The following IRGQ variants were observed in gnomAD, a reference collection of about 807,000 sequenced individuals.
IRGQ encodes the protein immunity-related GTPase family Q protein.
IRGQ carries 5 observed loss-of-function variants against 10.5 expected under a neutral mutation model. That is an observed-to-expected ratio of 0.48 (90% confidence interval 0.25 to 1.00). The LOEUF is 1.00. Ranked by LOEUF, IRGQ falls within the 50% of genes least tolerant of loss-of-function variation. The pLI, the probability that IRGQ is intolerant of heterozygous loss-of-function variation, is 0.16. For missense variants in IRGQ, 792 were observed against 877.7 expected (o/e 0.90, Z 1.23); for synonymous variants, 418 against 426.0 (o/e 0.98, Z 0.23).
At position 43,585,613 on chromosome 19, in the gene IRGQ, C is replaced by T. The variant is rs1003237571; in HGVS notation, c.*6413G>A. On this transcript the variant is annotated 3_prime_UTR_variant, in exon 3 of 3. Coordinates refer to ENST00000422989, the MANE Select transcript of IRGQ (RefSeq NM_001007561.3). ...TAGTGGCTGAAGCAAACCACATAGT[C>T]AAACCTAGAAGGAGAGCAACAATCC... The T allele has an allele frequency of 2.0e-5, 3 of 152,136 alleles. No individual in the cohort carries two copies. The highest frequency in any genetic ancestry group is 7.2e-5 in the African/African-American group (3 of 41,408). 9.4% of individuals were successfully genotyped at this position (152,136 alleles called of 1,614,324 possible).
chr19:43,594,819 C>T lies in IRGQ; in HGVS notation c.520G>A (p.Ala174Thr), dbSNP rs764072386. ...AAAGCCGGCACTCACCTCCGCAGCG[C>T]TTCTGCCTGGCTCTGCAGCGCCGCC... is the stretch of plus-strand genomic sequence containing the variant. The part of the protein sequence containing the change: ...LRAALQSQAE[A>T]LRRLLPPAQD... The change falls in exon 2 of 3, where the codon GCG (alanine) becomes ACG (threonine). Residue 174 changes from alanine to threonine, a missense_variant. By Grantham distance (58) the Ala-to-Thr change is moderately conservative. Transcript: ENST00000422989. The T allele has an allele frequency of 1.2e-6, 2 of 1,606,952 alleles. No individual in the cohort carries two copies. The highest frequency in any genetic ancestry group is 8.5e-7 in the Non-Finnish European group (1 of 1,176,386).
At position 43,595,300 on chromosome 19, in the gene IRGQ, C is replaced by T; in HGVS notation, c.39G>A (p.Leu13=). The T allele has an allele frequency of 6.3e-7, 1 of 1,585,936 alleles. No homozygotes were observed. The highest frequency in any genetic ancestry group is 8.6e-7 in the Non-Finnish European group (1 of 1,166,184). ...CGGACTTCCCCAAGCCCGGAGGCCC[C>T]AGGAACAAGGCGGTCACGTCACCCT... ...PPQGDVTALF[L]GPPGLGKSAL... is the part of the protein sequence containing the mutation. The change falls in exon 2 of 3, where the codon CTG becomes CTA. Residue 13 remains leucine (L), a synonymous_variant. Transcript: ENST00000422989.
In IRGQ at chr19:43,592,709, C is replaced by G; in HGVS notation, c.1189G>C (p.Val397Leu). The G allele has an allele frequency of 6.2e-7, 1 of 1,609,922 alleles. No homozygotes were observed. The highest frequency in any genetic ancestry group is 8.5e-7 in the Non-Finnish European group (1 of 1,179,992). Reference sequence around the variant, plus strand: ...CCACCTGATTTCTTCATGCCGACAACCTGCTGCAAACCCTCGCTGCCAGCT... The same window carrying G: ...CCACCTGATTTCTTCATGCCGACAAGCTGCTGCAAACCCTCGCTGCCAGCT... Reference protein sequence around the residue: ...GKAGSEGLQQVVGMKKSGGGD... With the variant: ...GKAGSEGLQQLVGMKKSGGGD... The change falls in exon 3 of 3, where the codon GTT (valine) becomes CTT (leucine). Residue 397 changes from valine (V) to leucine (L), a missense_variant. Val to Leu is a conservative substitution (Grantham distance 32). Coordinates refer to ENST00000422989, the MANE Select transcript of IRGQ (RefSeq NM_001007561.3).
Position 43,585,432 on chromosome 19 carries a change from G to GGGTTTCAC in IRGQ, c.*6586_*6593dup, listed in dbSNP as rs1390376582. ...TTTTTGTATTTTTAGTAGAGAGACG[G>GGGTTTCAC]GGTTTCACTGTGTTAGCCAGGATGG... is the stretch of plus-strand genomic sequence containing the variant. On this transcript the variant is annotated 3_prime_UTR_variant, in exon 3 of 3. Coordinates refer to ENST00000422989, the MANE Select transcript of IRGQ (RefSeq NM_001007561.3). 3.9e-5 allele frequency: 6 copies of GGGTTTCAC among 152,206 alleles called. No individual in the cohort carries two copies. Among genetic ancestry groups the GGGTTTCAC allele is most frequent in the African/African-American group, 1.4e-4 (6 of 41,384 alleles). 9.4% of individuals were successfully genotyped at this position (152,206 alleles called of 1,614,324 possible).
rs926582240 is a variant in IRGQ, at chr19:43,591,860, A to G, written c.*166T>C. On this transcript the variant is annotated 3_prime_UTR_variant, in exon 3 of 3. Transcript: ENST00000422989. ...ACTTCGTCTCACAAAAAAAAGAAAAAAAAAAAAAAAAATCAGGATTCCTGT... is the reference window on the plus strand; with the variant it reads ...ACTTCGTCTCACAAAAAAAAGAAAAGAAAAAAAAAAAATCAGGATTCCTGT... 71 of 691,906 alleles carry G rather than the reference A, an allele frequency of 1.0e-4. No individual in the cohort carries two copies. Among genetic ancestry groups the G allele is most frequent in the Admixed American group, 2.6e-4 (9 of 35,154 alleles). The allele number at this position is 691,906 out of a possible 1,614,324, so 42.9% of individuals were successfully genotyped here.
rs924906134 is a variant in IRGQ at position 43,593,823 on chromosome 19, G to A, written c.531-456C>T. ...CAAGGGCACTCTTTTCAGGGGCTGG[G>A]CCTAAGGAGGGTCAGTGAGGGGAGA... On this transcript the variant is annotated intron_variant, in intron 2 of 2. Coordinates refer to ENST00000422989, the MANE Select transcript of IRGQ (RefSeq NM_001007561.3). This position sits in a 1 kb window ranked among gnomAD's most constrained non-coding sequence, Gnocchi z 6.4. 4.6e-5 allele frequency among the ~76,000 whole-genome samples: 7 copies of A among 152,198 alleles called. No individual in the cohort carries two copies. Among genetic ancestry groups the A allele is most frequent in the Non-Finnish European group, 2.9e-5 (2 of 68,032 alleles).
Position 43,595,074 on chromosome 19 carries a change from C to T in IRGQ, c.265G>A (p.Gly89Arg). 6.2e-7 allele frequency: 1 copy of T among 1,612,334 alleles called. No individual in the cohort carries two copies. The highest frequency in any genetic ancestry group is 8.5e-7 in the Non-Finnish European group (1 of 1,179,362). ...CCCAGGGCTGGAGCCAACGGTTCCC[C>T]GTTCCCCTCGGGTCCGGGCAGCACC... ...VLVLPGPEGN[G>R]EPLAPALGEA... Residue 89 changes from glycine (G) to arginine (R), a missense_variant, in exon 2 of 3, where the codon GGG becomes AGG. Physicochemically the swap from Gly to Arg is moderately radical, Grantham distance 125. Coordinates refer to ENST00000422989, the MANE Select transcript of IRGQ (RefSeq NM_001007561.3).
intron 2 of IRGQ, among the ~76,000 whole-genome samples, chr19:43,594,015 A>G (rs767238255): frequency 3.3e-4 from 51 of 152,366 alleles, no homozygotes; most frequent in Non-Finnish European, 5.9e-4. Context: ...GAGCAAATCC[A>G]GGAGGTAGCC....
In IRGQ at chr19:43,595,339, G is replaced by A. The variant is rs1447583894; in HGVS notation, c.-1C>T. 1 of 1,542,670 alleles carries A rather than the reference G, an allele frequency of 6.5e-7. No individual in the cohort carries two copies. The highest frequency in any genetic ancestry group is 1.2e-5 in the South Asian group (1 of 82,736). ...TCACGTCACCCTGCGGCGGAGGCAT[G>A]GCTGGAAAGCAACGGGTAGAGAAGA... is the stretch of plus-strand genomic sequence containing the variant. On this transcript the variant is annotated splice_region_variant and 5_prime_UTR_variant, in exon 2 of 3. Coordinates refer to ENST00000422989, the MANE Select transcript of IRGQ (RefSeq NM_001007561.3).
At position 43,584,734 on chromosome 19, in the gene IRGQ, GCT is replaced by G. The variant is rs1972973989; in HGVS notation, c.*7290_*7291del. 2 of 152,266 alleles carry G rather than the reference GCT, an allele frequency of 1.3e-5. No individual in the cohort carries two copies. The highest frequency in any genetic ancestry group is 4.8e-5 in the African/African-American group (2 of 41,460). The allele number at this position is 152,266 out of a possible 1,614,324, so 9.4% of individuals were successfully genotyped here. Reference sequence around the variant, plus strand: ...GGTTCAGCTGCCTATCAGCTAGGGAGCTCTGTTTCAGAGGTTGGTTGGCTATG... The same window carrying G: ...GGTTCAGCTGCCTATCAGCTAGGGAGCTGTTTCAGAGGTTGGTTGGCTATG... On this transcript the variant is annotated 3_prime_UTR_variant, in exon 3 of 3. Transcript: ENST00000422989.
chr19:43,591,724 T>C lies in IRGQ; in HGVS notation c.*302A>G, dbSNP rs1411147345. ...TTAGCCAGGTGTGGTGGCAGGCACC[T>C]GTAATCCCAGCTACTCCGGACGCTG... On this transcript the variant is annotated 3_prime_UTR_variant, in exon 3 of 3. Coordinates refer to ENST00000422989, the MANE Select transcript of IRGQ (RefSeq NM_001007561.3). 2 of 261,780 alleles carry C rather than the reference T, an allele frequency of 7.6e-6. No homozygotes were observed. The highest frequency in any genetic ancestry group is 5.2e-5 in the Admixed American group (1 of 19,374). The allele number at this position is 261,780 out of a possible 1,614,324, so 16.2% of individuals were successfully genotyped here.
Position 43,593,494 on chromosome 19 carries a change from G to A in IRGQ, c.531-127C>T. The stretch of plus-strand genomic sequence containing the variant: ...TGGGGCAGGGGTAGGAAAGGGAAGG[G>A]CCAGACTGATGGCACAGCAAATAGA... On this transcript the variant is annotated intron_variant, in intron 2 of 2. Coordinates refer to ENST00000422989, the MANE Select transcript of IRGQ (RefSeq NM_001007561.3). This position sits in a 1 kb window ranked among gnomAD's most constrained non-coding sequence, Gnocchi z 6.4. 1 of 929,274 alleles carries A rather than the reference G, an allele frequency of 1.1e-6. No homozygotes were observed. The allele number at this position is 929,274 out of a possible 1,614,324, so 57.6% of individuals were successfully genotyped here.
chr19:43,594,495 A>T (rs1419578695), intron 2 of IRGQ, among the ~76,000 whole-genome samples: 1 of 151,858 alleles, frequency 6.6e-6, no homozygotes, highest in Non-Finnish European at 1.5e-5. Context: ...GTGAGCTAGG[A>T]TCGCGGCACT....
In IRGQ at chr19:43,589,620, G is replaced by A. The variant is rs1489620323; in HGVS notation, c.*2406C>T. 1 of 152,178 alleles carries A rather than the reference G, an allele frequency of 6.6e-6. No homozygotes were observed. The highest frequency in any genetic ancestry group is 1.5e-5 in the Non-Finnish European group (1 of 68,056). The allele number at this position is 152,178 out of a possible 1,614,324, so 9.4% of individuals were successfully genotyped here. ...AATAAATATTTACGAAGCACCTATT[G>A]TGTCAGGCACCTATTGTTCTAGATG... On this transcript the variant is annotated 3_prime_UTR_variant, in exon 3 of 3. Coordinates refer to ENST00000422989, the MANE Select transcript of IRGQ (RefSeq NM_001007561.3).
At chr19:43,595,630 G>A in intron 1 of IRGQ, 1 of 275,854 alleles carries the variant, frequency 3.6e-6, no homozygotes, top group Non-Finnish European at 6.8e-6. Context: ...TTGGGAGGCC[G>A]AGGCCGGAGG....
chr19:43,586,852 T>C lies in IRGQ; in HGVS notation c.*5174A>G, dbSNP rs1973000198. Reference sequence around the variant, plus strand: ...AGGTAGATGCCATTTGTAGAGTGACTTGCCCAAGTCAGTGGAAGGACTATC... The same window carrying C: ...AGGTAGATGCCATTTGTAGAGTGACCTGCCCAAGTCAGTGGAAGGACTATC... On this transcript the variant is annotated 3_prime_UTR_variant, in exon 3 of 3. Coordinates refer to ENST00000422989, the MANE Select transcript of IRGQ (RefSeq NM_001007561.3). The C allele has an allele frequency of 6.6e-6, 1 of 152,224 alleles. No individual in the cohort carries two copies. The highest frequency in any genetic ancestry group is 1.5e-5 in the Non-Finnish European group (1 of 68,042). 9.4% of individuals were successfully genotyped at this position (152,224 alleles called of 1,614,324 possible).
At position 43,595,360 on chromosome 19, in the gene IRGQ, G is replaced by A. The variant is rs1390174330; in HGVS notation, c.-2-20C>T. ...GCATGGCTGGAAAGCAACGGGTAGA[G>A]AAGACCTGGGTCAGGGAGCACCTAG... On this transcript the variant is annotated intron_variant, in intron 1 of 2. Coordinates refer to ENST00000422989, the MANE Select transcript of IRGQ (RefSeq NM_001007561.3). 4 of 1,520,574 alleles carry A rather than the reference G, an allele frequency of 2.6e-6. No individual in the cohort carries two copies. The African/African-American group carries it at 4.2e-5, about 16-fold the overall frequency. The allele number at this position is 1,520,574 out of a possible 1,614,324, so 94.2% of individuals were successfully genotyped here. A position where few individuals can be genotyped will look rare whatever the true frequency, so the allele number is the denominator to read the frequency against.
In IRGQ at chr19:43,594,827, T is replaced by C. The variant is rs142556429; in HGVS notation, c.512A>G (p.Gln171Arg). 3,465 of 1,609,630 alleles carry C rather than the reference T, an allele frequency of 2.2e-3. 16 individuals carry two copies. The highest frequency in any genetic ancestry group is 2.0e-3 in the Non-Finnish European group (2,335 of 1,177,770). The change falls in exon 2 of 3, where the codon CAG (glutamine) becomes CGG (arginine). Residue 171 changes from glutamine to arginine, a missense_variant. By Grantham distance (43) the Gln-to-Arg change is conservative. Coordinates refer to ENST00000422989, the MANE Select transcript of IRGQ (RefSeq NM_001007561.3). ...LERLRAALQS[Q>R]AEALRRLLPP... ...CACTCACCTCCGCAGCGCTTCTGCC[T>C]GGCTCTGCAGCGCCGCCCGGAGGCG... is the stretch of plus-strand genomic sequence containing the variant.
intron 2 of IRGQ, 137 bp downstream of exon 2, chr19:43,594,672 G>GAA: frequency 1.4e-4 from 78 of 551,654 alleles, no homozygotes; most frequent in South Asian, 2.3e-4. Context: ...TGTCTCTCAG[G>GAA]AAAAAAAAAA....
Sources: allele counts gnomAD v4.1 joint callset (sites outside exome capture counted in the v4.1 genomes callset), GRCh38; gene constraint gnomAD v4.1.1; non-coding constraint Gnocchi (gnomAD v3.1); transcripts MANE v1.5; gene names NCBI Gene and HGNC (gene_info 2026-07-23, HGNC 2026-07-21).